CSGALNACT2: variants seen among roughly 807,000 people sequenced by gnomAD.
The protein encoded by CSGALNACT2 is beta 4 GalNAcT-2.
A neutral mutation model predicts 55.3 loss-of-function variants in CSGALNACT2; 35 were observed. The observed-to-expected ratio is 0.63, with a 90% CI of 0.48 to 0.84. The LOEUF (loss-of-function observed/expected upper bound fraction) is 0.84. Ranked by LOEUF, CSGALNACT2 falls within the 40% of genes least tolerant of loss-of-function variation. CSGALNACT2 has a pLI of 0.00. For synonymous variants in CSGALNACT2, 196 were observed against 224.9 expected, an observed-to-expected ratio of 0.87 and a Z score of 1.15; for missense variants, 544 against 657.5, an observed-to-expected ratio of 0.83 and a Z score of 1.89.
chr10:43,155,728 T>C lies in CSGALNACT2; in HGVS notation c.579T>C (p.Asn193=). Reference sequence around the variant, plus strand: ...AAGCGGGCTTGGAGGTCATTAATAATCCTGATGAAGATGATGAACAAGAAG... The same window carrying C: ...AAGCGGGCTTGGAGGTCATTAATAACCCTGATGAAGATGATGAACAAGAAG... ...VIEAGLEVIN[N]PDEDDEQEDE... is the part of the protein sequence containing the mutation. The change falls in exon 2 of 8, where the codon AAT becomes AAC. Residue 193 remains asparagine (N), a synonymous_variant. Transcript: ENST00000374466. The C allele has an allele frequency of 6.2e-7, 1 of 1,614,102 alleles. No homozygotes were observed. The highest frequency in any genetic ancestry group is 8.5e-7 in the Non-Finnish European group (1 of 1,179,996).
At chr10:43,147,677 C>A (rs1838787752) in intron 1 of CSGALNACT2, among the ~76,000 whole-genome samples, 1 of 151,684 alleles carries the variant, frequency 6.6e-6, no homozygotes. Flanking sequence ...ATTTGCATTT[C>A]CTTTTTGGCT....
intron 1 of CSGALNACT2, among the ~76,000 whole-genome samples, chr10:43,141,186 C>G (rs1198146907): frequency 6.6e-6 from 1 of 152,052 alleles, no homozygotes; most frequent in Non-Finnish European, 1.5e-5. Context: ...TGAGAGCAGC[C>G]TAGGCAACAT....
chr10:43,162,842 A>C (rs1301837250), intron 4 of CSGALNACT2: 3 of 952,956 alleles, frequency 3.1e-6, no homozygotes, highest in Non-Finnish European at 3.7e-6. Flanking sequence ...CAGGAAGCTG[A>C]TGCTGTGGGT....
intron 7 of CSGALNACT2, among the ~76,000 whole-genome samples, chr10:43,182,496 C>T (rs1030242532): frequency 2.0e-5 from 3 of 152,104 alleles, no homozygotes; most frequent in African/African-American, 4.8e-5. Flanking sequence ...TCTATGGACC[C>T]ATTCTCAAAT....
intron 4 of CSGALNACT2, chr10:43,163,221 A>C: frequency 2.0e-6 from 2 of 984,664 alleles, no homozygotes; most frequent in Non-Finnish European, 2.4e-6. Flanking sequence ...GACATGAGCG[A>C]TGTATTTTTC....
intron 5 of CSGALNACT2, among the ~76,000 whole-genome samples, chr10:43,166,321 C>T (rs1309689597): frequency 1.3e-5 from 2 of 152,226 alleles, no homozygotes; most frequent in East Asian, 1.9e-4. Flanking sequence ...GTTACTCCCA[C>T]ACTTCCTGAC....
chr10:43,145,420 T>C (rs531271269), intron 1 of CSGALNACT2, among the ~76,000 whole-genome samples: 1 of 146,620 alleles, frequency 6.8e-6, no homozygotes, highest in East Asian at 1.9e-4. Context: ...CTTTTTTTTT[T>C]TTTTTTTTTT....
At chr10:43,166,171 G>A (rs893933403) in intron 5 of CSGALNACT2, among the ~76,000 whole-genome samples, 33 of 152,148 alleles carry the variant, frequency 2.2e-4, no homozygotes, top group African/African-American at 7.7e-4. Flanking sequence ...TGAAGGAGAC[G>A]TATTTGCTTA....
At chr10:43,163,506 G>C (rs1839195580) in intron 4 of CSGALNACT2, 2 of 985,310 alleles carry the variant, frequency 2.0e-6, no homozygotes, top group African/African-American at 3.5e-5. Flanking sequence ...TGCAAGAGGA[G>C]AGTGATCTTT....
intron 6 of CSGALNACT2, among the ~76,000 whole-genome samples, chr10:43,168,539 A>G (rs535582521): frequency 6.6e-6 from 1 of 152,298 alleles, no homozygotes; most frequent in South Asian, 2.1e-4. Flanking sequence ...CTGTAGGTAT[A>G]TAAATACAAT....
chr10:43,160,460 T>C, intron 3 of CSGALNACT2, 34 bp from the exon 4 acceptor site: 1 of 1,123,074 alleles, frequency 8.9e-7, no homozygotes, highest in Non-Finnish European at 1.3e-6. Flanking sequence ...CCTCATGTTT[T>C]CTTGAATAAA....
At chr10:43,182,607 G>A (rs188625265) in intron 7 of CSGALNACT2, among the ~76,000 whole-genome samples, 43 of 151,990 alleles carry the variant, frequency 2.8e-4, no homozygotes, top group African/African-American at 8.4e-4. Flanking sequence ...GTGGCTGGTC[G>A]CAGTGGCTAA....
At chr10:43,170,746 C>T (rs899683076) in intron 6 of CSGALNACT2, among the ~76,000 whole-genome samples, 2 of 152,188 alleles carry the variant, frequency 1.3e-5, no homozygotes, top group East Asian at 1.9e-4. Context: ...AAACTTTTCA[C>T]GGGAGAAACC....
At position 43,183,287 on chromosome 10, in the gene CSGALNACT2, A is replaced by T; in HGVS notation, c.1374A>T (p.Glu458Asp). The T allele has an allele frequency of 6.2e-7, 1 of 1,613,810 alleles. No individual in the cohort carries two copies. Among genetic ancestry groups the T allele is most frequent in the Non-Finnish European group, 8.5e-7 (1 of 1,179,690 alleles). Residue 458 changes from glutamate (E) to aspartate (D), a missense_variant, in exon 8 of 8, where the codon GAA (glutamate) becomes GAT (aspartate). Glu to Asp is a conservative substitution (Grantham distance 45). Around this residue, in one of 2 missense-constraint regions of CSGALNACT2, gnomAD observed 170 missense variants for 256.2 expected, o/e 0.66. Transcript: ENST00000374466. ...FDMEVKGWGG[E>D]DVHLYRKYLH... The stretch of plus-strand genomic sequence containing the variant: ...TGGAAGTGAAAGGTTGGGGTGGAGA[A>T]GATGTTCATCTTTATCGAAAATACT...
At chr10:43,156,348 A>G (rs889014978) in intron 2 of CSGALNACT2, among the ~76,000 whole-genome samples, 6 of 152,188 alleles carry the variant, frequency 3.9e-5, no homozygotes, top group Non-Finnish European at 8.8e-5. Flanking sequence ...TATTTCAGAA[A>G]GGGTATGGAA....
At chr10:43,163,033 G>A in intron 4 of CSGALNACT2, 1 of 985,130 alleles carries the variant, frequency 1.0e-6, no homozygotes, top group Non-Finnish European at 1.2e-6. Context: ...CCATTTTAGG[G>A]TCCTTTTCTA....
chr10:43,163,088 A>G, intron 4 of CSGALNACT2: 6 of 985,314 alleles, frequency 6.1e-6, no homozygotes, highest in Non-Finnish European at 7.2e-6. Context: ...TGCTTTCTAC[A>G]TTCTTACCTC....
At chr10:43,182,968 T>C (rs1839618974) in intron 7 of CSGALNACT2, among the ~76,000 whole-genome samples, 1 of 152,226 alleles carries the variant, frequency 6.6e-6, no homozygotes, top group African/African-American at 2.4e-5. Flanking sequence ...TTTGACTTTT[T>C]GTAGATTTTC....
intron 1 of CSGALNACT2, among the ~76,000 whole-genome samples, chr10:43,148,785 A>C (rs769962849): frequency 6.6e-6 from 1 of 152,170 alleles, no homozygotes; most frequent in Admixed American, 6.5e-5. Flanking sequence ...TTTTTAGTGA[A>C]TTCCTTAGGA....
Sources: gnomAD v4.1 joint callset for allele counts (sites outside exome capture counted in the v4.1 genomes callset) on GRCh38, gnomAD v4.1.1 for gene constraint, gnomAD v4.1.1 regional missense constraint, MANE v1.5 for transcripts, NCBI Gene and HGNC (gene_info 2026-07-23, HGNC 2026-07-21) for gene names.